Variants in NFASC observed in about 807,000 individuals in gnomAD.
NFASC encodes neurofascin homolog.
In NFASC, 43 loss-of-function variants were observed where a neutral mutation model predicts 147.5. That is an observed-to-expected ratio of 0.29 (90% confidence interval 0.23 to 0.38). The LOEUF is 0.38. Ranked by LOEUF, NFASC falls within the 10% of genes least tolerant of loss-of-function variation. The pLI is 1.00. For synonymous variants in NFASC, 622 were observed against 665.5 expected (o/e 0.93, Z 1.01); for missense variants, 1,320 against 1,689.0 (o/e 0.78, Z 3.83).
intron 1 of NFASC, among the ~76,000 whole-genome samples, chr1:204,840,308 C>A (rs1223654597): frequency 6.6e-6 from 1 of 152,190 alleles, no homozygotes; most frequent in Non-Finnish European, 1.5e-5. Context: ...TGAGACCCAA[C>A]CTGTACCAAA....
At chr1:204,883,825 G>C (rs2080791325) in intron 1 of NFASC, among the ~76,000 whole-genome samples, 1 of 152,164 alleles carries the variant, frequency 6.6e-6, no homozygotes, top group African/African-American at 2.4e-5. Flanking sequence ...CCCTTTACAA[G>C]CCACACAGTG....
intron 3 of NFASC, 190 bp downstream of exon 3, chr1:204,944,596 CTG>C (rs1281806732): frequency 2.0e-5 from 12 of 587,188 alleles, no homozygotes; most frequent in African/African-American, 1.9e-4. Context: ...AAGTTTGAGA[CTG>C]TATGTTGCAG....
At chr1:204,869,606 G>T (rs2077418557) in intron 1 of NFASC, among the ~76,000 whole-genome samples, 1 of 152,150 alleles carries the variant, frequency 6.6e-6, no homozygotes, top group African/African-American at 2.4e-5. Flanking sequence ...GTCATTTAGA[G>T]AATCTTTGTA....
At chr1:204,990,779 C>G (rs1310659672) in intron 23 of NFASC, among the ~76,000 whole-genome samples, 1 of 152,072 alleles carries the variant, frequency 6.6e-6, no homozygotes, top group Non-Finnish European at 1.5e-5. Flanking sequence ...CCTATCCATC[C>G]CACTATTCAG....
intron 17 of NFASC, 27 bp downstream of exon 17, chr1:204,977,752 G>A: frequency 6.3e-7 from 1 of 1,599,494 alleles, no homozygotes; most frequent in East Asian, 2.2e-5. Flanking sequence ...ACAGTCCCCT[G>A]CCAGTGCCCT....
At chr1:204,835,845 A>AT (rs1297676393) in intron 1 of NFASC, among the ~76,000 whole-genome samples, 1 of 152,150 alleles carries the variant, frequency 6.6e-6, no homozygotes, top group Non-Finnish European at 1.5e-5. Flanking sequence ...TCTGGCCTCC[A>AT]TGCTGAGCTA....
At chr1:204,841,108 C>T (rs1051831019) in intron 1 of NFASC, among the ~76,000 whole-genome samples, 1 of 152,198 alleles carries the variant, frequency 6.6e-6, no homozygotes, top group Non-Finnish European at 1.5e-5. Flanking sequence ...CCTGCATCTA[C>T]AGAATAACAA....
rs758865400 is a variant in NFASC at position 204,944,257 on chromosome 1, G to A, written c.-59G>A. ...GCTGTCCAGGAGGCCCAGTTAAAGC[G>A]GCTCGAGGTGACAAGACCCCGAGTG... On this transcript the variant is annotated 5_prime_UTR_variant, in exon 3 of 30. Coordinates refer to ENST00000339876, the MANE Select transcript of NFASC (RefSeq NM_001005388.3). The A allele has an allele frequency of 3.5e-5, 55 of 1,591,914 alleles. No homozygotes were observed. The highest frequency in any genetic ancestry group is 5.7e-5 in the South Asian group (5 of 88,108).
intron 1 of NFASC, among the ~76,000 whole-genome samples, chr1:204,857,275 C>CA (rs780986657): frequency 2.6e-5 from 4 of 152,202 alleles, no homozygotes; most frequent in Non-Finnish European, 5.9e-5. Context: ...AAAGTGGGCC[C>CA]AAAATCCCAC....
At chr1:204,982,172 C>T (rs919657334) in intron 21 of NFASC, 152 bp downstream of exon 21, 1 of 503,178 alleles carries the variant, frequency 2.0e-6, no homozygotes, top group Admixed American at 4.2e-5. Flanking sequence ...AGCAGACAGG[C>T]ACCCAGTAAT....
At position 204,997,297 on chromosome 1, in the gene NFASC, C is replaced by T. The variant is rs535344903; in HGVS notation, c.2910C>T (p.Thr970=). 56 of 1,605,472 alleles carry T rather than the reference C, an allele frequency of 3.5e-5. No individual in the cohort carries two copies. The East Asian group carries it at 5.9e-4, about 17-fold the overall frequency. ...TCATCCCAACTGTCGCACCTACCACCATCGCCACCACCACCACCGTCGCCA... is the reference window on the plus strand; with the variant it reads ...TCATCCCAACTGTCGCACCTACCACTATCGCCACCACCACCACCGTCGCCA... The part of the protein sequence containing the change: ...VPIIPTVAPT[T]IATTTTVATT... Residue 970 remains threonine (T), a synonymous_variant, in exon 25 of 30, where the codon ACC becomes ACT. Transcript: ENST00000339876.
chr1:205,001,687 C>T (rs1227552688), intron 26 of NFASC, among the ~76,000 whole-genome samples: 1 of 152,232 alleles, frequency 6.6e-6, no homozygotes, highest in African/African-American at 2.4e-5. Context: ...GACTATAACC[C>T]TGCTTTGCTC....
At chr1:204,851,326 C>CTTTTTTTTTTTTTTTTTTTTTTT (rs59834352) in intron 1 of NFASC, among the ~76,000 whole-genome samples, 2 of 136,344 alleles carry the variant, frequency 1.5e-5, no homozygotes. Context: ...TCATGCTTTT[C>CTTTTTTTTTTTTTTTTTTTTTTT]TTTTTTTTTT....
intron 1 of NFASC, among the ~76,000 whole-genome samples, chr1:204,904,103 T>G (rs547272028): frequency 1.3e-5 from 2 of 152,186 alleles, no homozygotes; most frequent in East Asian, 1.9e-4. Context: ...GTGTGTGTGT[T>G]TGTTTGTTTG....
chr1:204,852,980 G>T (rs758311799), intron 1 of NFASC, among the ~76,000 whole-genome samples: 1 of 152,168 alleles, frequency 6.6e-6, no homozygotes, highest in Non-Finnish European at 1.5e-5. Context: ...GCCTTGCCTA[G>T]CCCACAGCAT....
intron 8 of NFASC, among the ~76,000 whole-genome samples, chr1:204,962,461 A>G (rs1288224477): frequency 6.6e-6 from 1 of 152,250 alleles, no homozygotes; most frequent in African/African-American, 2.4e-5. Flanking sequence ...GAAAAAGTAG[A>G]AGCTTAGGAA....
At chr1:204,950,308 C>T (rs1448814013) in intron 3 of NFASC, among the ~76,000 whole-genome samples, 1 of 152,236 alleles carries the variant, frequency 6.6e-6, no homozygotes, top group African/African-American at 2.4e-5. Context: ...CTGCCCAACT[C>T]TGTGGTTTTG....
intron 1 of NFASC, among the ~76,000 whole-genome samples, chr1:204,873,360 G>GCTGGGATTTGGA (rs1219672887): frequency 3.1e-4 from 47 of 152,274 alleles, no homozygotes; most frequent in African/African-American, 1.1e-3. Flanking sequence ...AGCAGCTCTG[G>GCTGGGATTTGGA]GTACACCAAG....
In NFASC at chr1:204,856,382, G is replaced by GGGGTGTGT. The variant is rs111793461; in HGVS notation, c.-200+27601_-200+27602insGGTGTGTG. Among the ~76,000 whole-genome samples, 14 of 139,784 alleles carry GGGGTGTGT rather than the reference G, an allele frequency of 1.0e-4. No homozygotes were observed. In the South Asian group the frequency reaches 3.4e-3, roughly 34 times the overall value. The allele number at this position is 139,784 out of a possible 152,430, so 91.7% of individuals were successfully genotyped here. A position where few individuals can be genotyped will look rare whatever the true frequency, so the allele number is the denominator to read the frequency against. ...AAGTGCCAAGGAGAGATGCAGAACA[G>GGGGTGTGT]GTGTGTGTGTGTGTGTGTGTGTGTG... On this transcript the variant is annotated intron_variant, in intron 1 of 29. Transcript: ENST00000339876.
Sources: gnomAD v4.1 joint callset for allele counts (sites outside exome capture counted in the v4.1 genomes callset) on GRCh38, gnomAD v4.1.1 for gene constraint, MANE v1.5 for transcripts, NCBI Gene and HGNC (gene_info 2026-07-23, HGNC 2026-07-21) for gene names.